The following HEXB variants were observed in gnomAD, a reference collection of about 807,000 sequenced individuals.
HEXB encodes hexosaminidase subunit beta.
A neutral mutation model predicts 71.2 loss-of-function variants in HEXB; 51 were observed. The ratio of observed to expected loss-of-function variants is 0.72; its 90% CI spans 0.57 to 0.90. The LOEUF (loss-of-function observed/expected upper bound fraction) is 0.90. Among genes scored for constraint, HEXB ranks in the 40% least tolerant of loss-of-function variants. The probability of loss-of-function intolerance (pLI) is 0.00; values close to 1 mark genes in which losing one functional copy is unlikely to be tolerated. For missense variants in HEXB, 617 were observed against 677.0 expected, an observed-to-expected ratio of 0.91 and a Z score of 0.98; for synonymous variants, 266 against 249.3, an observed-to-expected ratio of 1.07 and a Z score of -0.63.
chr5:74,672,404 C>G (rs1276059589), intron 1 of HEXB, among the ~76,000 whole-genome samples: 2 of 152,238 alleles, frequency 1.3e-5, no homozygotes, highest in East Asian at 3.8e-4. Context: ...GCCCAGAGCA[C>G]TTCCACCAGT....
intron 1 of HEXB, among the ~76,000 whole-genome samples, chr5:74,665,468 C>T (rs766318): frequency 6.6e-6 from 1 of 151,736 alleles, no homozygotes; most frequent in South Asian, 2.1e-4. Flanking sequence ...ATAGCAGCCC[C>T]GTGGACAGTG....
intron 1 of HEXB, among the ~76,000 whole-genome samples, chr5:74,649,885 G>T (rs1409181805): frequency 1.3e-5 from 2 of 152,222 alleles, no homozygotes; most frequent in South Asian, 2.1e-4. Flanking sequence ...ATCAGACATA[G>T]TTCCTTAACT....
chr5:74,647,851 ATATT>A (rs1748030077), intron 1 of HEXB, among the ~76,000 whole-genome samples: 1 of 152,228 alleles, frequency 6.6e-6, no homozygotes, highest in South Asian at 2.1e-4. Flanking sequence ...CATTCAACAA[ATATT>A]TATTTACAGG....
intron 1 of HEXB, among the ~76,000 whole-genome samples, chr5:74,664,448 A>ACAAAAAAAAAAC (rs1554033115): frequency 1.0e-4 from 13 of 126,540 alleles, no homozygotes; most frequent in South Asian, 2.5e-4. Flanking sequence ...AAAAAAAAAA[A>ACAAAAAAAAAAC]AAAAACAGAG....
Position 74,688,670 on chromosome 5 carries a change from G to A in HEXB, c.300-658G>A, listed in dbSNP as rs775791921. Reference sequence around the variant, plus strand: ...CAAAAAGTAAATTTTAAAGGCTCTGGTGAGAATTCTGGACCTTCTTTTGGG... The same window carrying A: ...CAAAAAGTAAATTTTAAAGGCTCTGATGAGAATTCTGGACCTTCTTTTGGG... On this transcript the variant is annotated intron_variant, in intron 1 of 13. Coordinates refer to ENST00000261416, the MANE Select transcript of HEXB (RefSeq NM_000521.4). Among the ~76,000 whole-genome samples the A allele has an allele frequency of 4.6e-5, 7 of 152,186 alleles. No homozygotes were observed. The South Asian group carries it at 1.4e-3, about 31-fold the overall frequency.
At position 74,697,089 on chromosome 5, in the gene HEXB, A is replaced by G. The variant is rs1749130468; in HGVS notation, c.652A>G (p.Ile218Val). The change falls in exon 5 of 14, where the codon ATT (isoleucine) becomes GTT (valine). Residue 218 changes from isoleucine to valine, a missense_variant. Coordinates refer to ENST00000261416, the MANE Select transcript of HEXB (RefSeq NM_000521.4). ...DTSRHYLPVKIILKTLDAMAF... is the reference protein window; with the variant it reads ...DTSRHYLPVKVILKTLDAMAF... ...ATCCAGACATTATCTGCCAGTTAAG[A>G]TTATTCTTAAAACTCTGGTAAGTAA... 2 of 1,482,166 alleles carry G rather than the reference A, an allele frequency of 1.3e-6. No individual in the cohort carries two copies. The highest frequency in any genetic ancestry group is 1.9e-6 in the Non-Finnish European group (2 of 1,060,274). The allele number at this position is 1,482,166 out of a possible 1,614,324, so 91.8% of individuals were successfully genotyped here. A position where few individuals can be genotyped will look rare whatever the true frequency, so the allele number is the denominator to read the frequency against.
chr5:74,663,984 G>T (rs1748380410), intron 1 of HEXB, among the ~76,000 whole-genome samples: 1 of 152,008 alleles, frequency 6.6e-6, no homozygotes. Context: ...GGCCAGGCGT[G>T]GTGGCACACG....
In HEXB at chr5:74,663,212, C is replaced by T. The variant is rs527440077; in HGVS notation, c.-377+22654C>T. On this transcript the variant is annotated intron_variant, in intron 1 of 13. Transcript: ENST00000511181. ...TTTTTGGGGGGGTGGAGTGCGGTGG[C>T]GGAGTTTCGCTCTTGTTGCCCAGGC... is the stretch of plus-strand genomic sequence containing the variant. Among the ~76,000 whole-genome samples, 11 of 150,172 alleles carry T rather than the reference C, an allele frequency of 7.3e-5. No homozygotes were observed. The South Asian group carries it at 2.1e-3, about 29-fold the overall frequency.
chr5:74,715,838 G>GT, intron 8 of HEXB, 148 bp downstream of exon 8: 1 of 640,184 alleles, frequency 1.6e-6, no homozygotes, highest in Non-Finnish European at 2.8e-6. Context: ...CCAACATGGT[G>GT]AAACCCCATC....
In HEXB at chr5:74,689,376, T is replaced by A; in HGVS notation, c.348T>A (p.Ala116=). Residue 116 remains alanine, a synonymous_variant, in exon 2 of 14, where the codon GCT becomes GCA. Transcript: ENST00000261416. ...FGFYKWHHEP[A]EFQAKTQVQQ... Reference sequence around the variant, plus strand: ...TCTACAAGTGGCATCATGAACCTGCTGAATTCCAGGCTAAAACCCAGGTTC... The same window carrying A: ...TCTACAAGTGGCATCATGAACCTGCAGAATTCCAGGCTAAAACCCAGGTTC... 1 of 1,613,066 alleles carries A rather than the reference T, an allele frequency of 6.2e-7. No homozygotes were observed. The highest frequency in any genetic ancestry group is 8.5e-7 in the Non-Finnish European group (1 of 1,178,960).
rs10644603 is a variant in HEXB, at chr5:74,705,091, C to CA, written c.670-107dup. Reference sequence around the variant, plus strand: ...TGGGCAATGGAGTGAGACCCTGTCTCAAAAAAAAAAAAAAAAAAAAAGTTT... The same window carrying CA: ...TGGGCAATGGAGTGAGACCCTGTCTCAAAAAAAAAAAAAAAAAAAAAAGTTT... On this transcript the variant is annotated intron_variant, in intron 5 of 13. Coordinates refer to ENST00000261416, the MANE Select transcript of HEXB (RefSeq NM_000521.4). 39,242 of 432,620 alleles carry CA rather than the reference C, an allele frequency of 0.091. 2,893 individuals are homozygous for CA. The highest frequency in any genetic ancestry group is 0.35 in the African/African-American group (12,340 of 35,158). 26.8% of individuals were successfully genotyped at this position (432,620 alleles called of 1,614,324 possible).
In HEXB at chr5:74,685,427, T is replaced by A. The variant is rs368384256; in HGVS notation, c.167T>A (p.Leu56Gln). The change falls in exon 1 of 14, where the codon CTG (leucine) becomes CAG (glutamine). Residue 56 changes from leucine (L) to glutamine (Q), a missense_variant. Transcript: ENST00000261416. Reference protein sequence around the residue: ...PSVSAKPGPALWPLPLLVKMT... With the variant: ...PSVSAKPGPAQWPLPLLVKMT... ...GTCTCGGCCAAGCCGGGGCCGGCGCTGTGGCCCCTGCCGCTCTTGGTGAAG... is the reference window on the plus strand; with the variant it reads ...GTCTCGGCCAAGCCGGGGCCGGCGCAGTGGCCCCTGCCGCTCTTGGTGAAG... 1.8e-5 allele frequency: 29 copies of A among 1,602,880 alleles called. No homozygotes were observed. Among genetic ancestry groups the A allele is most frequent in the Non-Finnish European group, 2.3e-5 (27 of 1,176,380 alleles).
intron 3 of HEXB, among the ~76,000 whole-genome samples, chr5:74,694,311 C>A (rs1749064102): frequency 6.6e-6 from 1 of 152,188 alleles, no homozygotes; most frequent in Non-Finnish European, 1.5e-5. Context: ...CCCAACCTGT[C>A]CTGATTAGGG....
At chr5:74,647,533 T>C (rs181437286) in intron 1 of HEXB, among the ~76,000 whole-genome samples, 38 of 152,352 alleles carry the variant, frequency 2.5e-4, no homozygotes, top group African/African-American at 8.9e-4. Flanking sequence ...ATGCGTGTGT[T>C]GTCAGAAAGA....
intron 1 of HEXB, among the ~76,000 whole-genome samples, chr5:74,671,126 TA>T (rs992717556): frequency 4.3e-4 from 65 of 151,804 alleles, no homozygotes; most frequent in Admixed American, 9.2e-4. Flanking sequence ...AGACTGATGG[TA>T]AAAAAACAAC....
At position 74,705,250 on chromosome 5, in the gene HEXB, T is replaced by G. The variant is rs1375560334; in HGVS notation, c.701T>G (p.Leu234Arg). 2.5e-6 allele frequency: 4 copies of G among 1,612,248 alleles called. No individual in the cohort carries two copies. The highest frequency in any genetic ancestry group is 3.4e-6 in the Non-Finnish European group (4 of 1,178,436). The change falls in exon 6 of 14, where the codon CTT (leucine) becomes CGT (arginine). Residue 234 changes from leucine (L) to arginine (R), a missense_variant. Leu to Arg is a moderately radical substitution (Grantham distance 102). Coordinates refer to ENST00000261416, the MANE Select transcript of HEXB (RefSeq NM_000521.4). ...ATGGCTTTTAATAAGTTTAATGTTC[T>G]TCACTGGCACATAGTTGATGACCAG... is the stretch of plus-strand genomic sequence containing the variant. ...DAMAFNKFNV[L>R]HWHIVDDQSF...
In HEXB at chr5:74,652,733, T is replaced by C. The variant is rs1303489081; in HGVS notation, c.-377+12175T>C. On this transcript the variant is annotated intron_variant, in intron 1 of 13. Transcript: ENST00000511181. The surrounding 1 kb of genome is among the most constrained non-coding windows in gnomAD (Gnocchi z 5.4). ...AAGTCAGGGATAGAGGCTCATCTGGTCCTCCCACATCTGCCCACAGCACCA... is the reference window on the plus strand; with the variant it reads ...AAGTCAGGGATAGAGGCTCATCTGGCCCTCCCACATCTGCCCACAGCACCA... Among the ~76,000 whole-genome samples the C allele has an allele frequency of 5.9e-5, 9 of 151,888 alleles. No individual in the cohort carries two copies. Among genetic ancestry groups the C allele is most frequent in the Admixed American group, 5.2e-4 (8 of 15,254 alleles).
chr5:74,713,433 G>T, intron 6 of HEXB, 73 bp from the exon 7 acceptor site: 1 of 1,438,022 alleles, frequency 7.0e-7, no homozygotes, highest in South Asian at 1.1e-5. Context: ...TCAAATGCAA[G>T]CACAATTGTT....
chr5:74,703,401 C>T (rs76206682), intron 5 of HEXB, among the ~76,000 whole-genome samples: 3,822 of 152,282 alleles, frequency 0.025, 73 homozygotes, highest in Middle Eastern at 0.054. Flanking sequence ...TTCCCTGTCC[C>T]GGTCTTTTCT....
Sources: allele counts gnomAD v4.1 joint callset (sites outside exome capture counted in the v4.1 genomes callset), GRCh38; gene constraint gnomAD v4.1.1; non-coding constraint Gnocchi (gnomAD v3.1); transcripts MANE v1.5; gene names NCBI Gene and HGNC (gene_info 2026-07-23, HGNC 2026-07-21).